Variants in DNAH5 observed in about 807,000 individuals in gnomAD.
DNAH5 encodes axonemal beta dynein heavy chain 5.
A neutral mutation model predicts 518.2 loss-of-function variants in DNAH5; 372 were observed. The observed-to-expected ratio is 0.72, with a 90% CI of 0.66 to 0.78. The LOEUF is 0.78. Ranked by LOEUF, DNAH5 falls within the 30% of genes least tolerant of loss-of-function variation. The pLI, the probability that DNAH5 is intolerant of heterozygous loss-of-function variation, is 0.00. For missense variants in DNAH5, 5,523 were observed against 5,687.0 expected, an observed-to-expected ratio of 0.97 and a Z score of 0.93; for synonymous variants, 2,039 against 2,025.9, an observed-to-expected ratio of 1.01 and a Z score of -0.17.
intron 4 of DNAH5, among the ~76,000 whole-genome samples, chr5:13,922,739 A>T (rs1249870193): frequency 1.3e-5 from 2 of 151,906 alleles, no homozygotes; most frequent in Admixed American, 6.6e-5. Context: ...AAAAAAAAAA[A>T]AAAAAAAAAT....
chr5:13,770,107 G>A (rs1753128993), intron 56 of DNAH5, among the ~76,000 whole-genome samples: 1 of 152,192 alleles, frequency 6.6e-6, no homozygotes, highest in South Asian at 2.1e-4. Flanking sequence ...CGTGACCATA[G>A]AGATGGGAAC....
chr5:13,925,558 G>A (rs908436880), intron 3 of DNAH5, among the ~76,000 whole-genome samples: 29 of 152,164 alleles, frequency 1.9e-4, no homozygotes, highest in Admixed American at 1.3e-3. Context: ...AGCAAGTCAC[G>A]TCTTACATGA....
chr5:13,962,896 T>C (rs189277), intron 1 of DNAH5, among the ~76,000 whole-genome samples: 1 of 152,018 alleles, frequency 6.6e-6, no homozygotes, highest in Non-Finnish European at 1.5e-5. Flanking sequence ...AAAGACAAAC[T>C]GTCCCGGCAG....
chr5:13,722,422 C>T (rs1745176094), intron 70 of DNAH5, among the ~76,000 whole-genome samples: 1 of 152,196 alleles, frequency 6.6e-6, no homozygotes. Flanking sequence ...TTGTGTTTGC[C>T]CTCTTTTGTG....
Position 13,766,033 on chromosome 5 carries a change from G to A in DNAH5, c.10044C>T (p.Pro3348=), listed in dbSNP as rs369902800. 4.0e-5 allele frequency: 64 copies of A among 1,614,190 alleles called. 1 individual carries two copies. In the South Asian group the frequency reaches 6.5e-4, roughly 16 times the overall value. The change falls in exon 59 of 79, where the codon CCC becomes CCT. Residue 3348 remains proline (P), a synonymous_variant. Transcript: ENST00000265104. The stretch of plus-strand genomic sequence containing the variant: ...TCAATTTTAAGGATTCCTGCCAGGA[G>A]GGCATGGTACAGCTTTTTTCCAGGT... ...KIDLEKSCTM[P]SWQESLKLMT... is the part of the protein sequence containing the mutation.
At chr5:13,878,747 G>C (rs1020488688) in intron 21 of DNAH5, among the ~76,000 whole-genome samples, 81 of 152,178 alleles carry the variant, frequency 5.3e-4, no homozygotes, top group African/African-American at 1.9e-3. Flanking sequence ...GATGTACAAT[G>C]GGCCAACTTC....
chr5:13,984,574 G>A (rs1015742184), intron 1 of DNAH5, among the ~76,000 whole-genome samples: 4 of 152,284 alleles, frequency 2.6e-5, no homozygotes, highest in Non-Finnish European at 2.9e-5. Context: ...TGTTGTATAG[G>A]AGTGGTGAGA....
At chr5:13,694,370 A>G (rs571267028) in intron 78 of DNAH5, among the ~76,000 whole-genome samples, 1 of 152,348 alleles carries the variant, frequency 6.6e-6, no homozygotes, top group South Asian at 2.1e-4. Flanking sequence ...ATAATTTCAT[A>G]GTGAAAACGT....
rs759178806 is a variant in DNAH5, at chr5:13,823,221, T to C, written c.6687+42A>G. The C allele has an allele frequency of 7.7e-6, 10 of 1,302,060 alleles. No homozygotes were observed. The East Asian group carries it at 2.1e-4, about 27-fold the overall frequency. The allele number at this position is 1,302,060 out of a possible 1,614,324, so 80.7% of individuals were successfully genotyped here. A position where few individuals can be genotyped will look rare whatever the true frequency, so the allele number is the denominator to read the frequency against. On this transcript the variant is annotated intron_variant, in intron 40 of 78. Coordinates refer to ENST00000265104, the MANE Select transcript of DNAH5 (RefSeq NM_001369.3). ...CCACTTTATTCCCATTAAATTCAGA[T>C]GAAACAGACACCAGCCCTCGTTGCC...
intron 1 of DNAH5, among the ~76,000 whole-genome samples, chr5:13,933,392 G>A (rs758736837): frequency 6.6e-6 from 1 of 152,162 alleles, no homozygotes; most frequent in African/African-American, 2.4e-5. Context: ...GTGCAGATAT[G>A]ATTTTCTAAC....
chr5:14,010,905 A>G (rs981227326), intron 1 of DNAH5, among the ~76,000 whole-genome samples: 1 of 152,050 alleles, frequency 6.6e-6, no homozygotes, highest in Non-Finnish European at 1.5e-5. Flanking sequence ...ACTATAGTGT[A>G]CCTGATGAAA....
intron 23 of DNAH5, 33 bp from the exon 24 acceptor site, chr5:13,871,035 T>C: frequency 6.5e-7 from 1 of 1,544,516 alleles, no homozygotes; most frequent in Non-Finnish European, 8.9e-7. Flanking sequence ...AGTTCAGTTT[T>C]AAAAACTCGA....
chr5:13,897,235 A>T (rs1296243459), intron 15 of DNAH5, among the ~76,000 whole-genome samples: 1 of 152,142 alleles, frequency 6.6e-6, no homozygotes, highest in East Asian at 1.9e-4. Context: ...GAAAAGTCTA[A>T]ATTTTCTGGT....
intron 2 of DNAH5, among the ~76,000 whole-genome samples, chr5:13,930,558 G>C (rs959155448): frequency 1.3e-5 from 2 of 152,112 alleles, no homozygotes; most frequent in South Asian, 4.2e-4. Context: ...TTTTCTCACT[G>C]CCCAGGAAAT....
In DNAH5 at chr5:13,829,683, G is replaced by C. The variant is rs112967768; in HGVS notation, c.6271C>G (p.Gln2091Glu). The change falls in exon 38 of 79, where the codon CAG becomes GAG. Residue 2091 changes from glutamine to glutamate, a missense_variant. By Grantham distance (29) the Gln-to-Glu change is conservative (BLOSUM62 2). Around this residue, in one of 3 missense-constraint regions of DNAH5, gnomAD observed 5,121 missense variants for 5,223.3 expected, o/e 0.98. Coordinates refer to ENST00000265104, the MANE Select transcript of DNAH5 (RefSeq NM_001369.3). Reference protein sequence around the residue: ...LTMNPGYAGRQELPENLKINF... With the variant: ...LTMNPGYAGREELPENLKINF... ...ATCTTCAAGTTTTCAGGGAGTTCCT[G>C]CCGTCCGGCATAGCCAGGATTCTAA... 2 of 1,614,010 alleles carry C rather than the reference G, an allele frequency of 1.2e-6. No individual in the cohort carries two copies. Among genetic ancestry groups the C allele is most frequent in the Non-Finnish European group, 1.7e-6 (2 of 1,180,012 alleles).
intron 22 of DNAH5, among the ~76,000 whole-genome samples, 181 bp from the exon 23 acceptor site, chr5:13,871,946 G>A (rs1056827506): frequency 1.3e-5 from 2 of 152,176 alleles, no homozygotes; most frequent in African/African-American, 4.8e-5. Context: ...CAGTAGCCCA[G>A]GGCTAGTAAC....
At chr5:13,947,338 C>T (rs538243968), upstream of DNAH5, among the ~76,000 whole-genome samples, 1 of 152,236 alleles carries the variant, frequency 6.6e-6, no homozygotes, top group South Asian at 2.1e-4. Flanking sequence ...TTCCATATGG[C>T]TTAATAGAAA....
chr5:13,843,069 T>C (rs1765501913), intron 32 of DNAH5, among the ~76,000 whole-genome samples: 1 of 152,200 alleles, frequency 6.6e-6, no homozygotes, highest in Non-Finnish European at 1.5e-5. Context: ...AATTTTCTGA[T>C]GAATTTAGTC....
chr5:13,714,418 T>G lies in DNAH5; in HGVS notation c.13112A>C (p.Tyr4371Ser). ...TCATCAACTCACTTCAAAGGGGACA[T>G]AGTCTGGGGGCAGCTTCTCCAGCAT... is the stretch of plus-strand genomic sequence containing the variant. ...DDMLEKLPPD[Y>S]VPFEVKERLQ... The change falls in exon 75 of 79, where the codon TAT becomes TCT. Residue 4371 changes from tyrosine to serine, a missense_variant. Tyr to Ser is a moderately radical substitution (Grantham distance 144). Transcript: ENST00000265104. 6.2e-7 allele frequency: 1 copy of G among 1,614,144 alleles called. No individual in the cohort carries two copies. Among genetic ancestry groups the G allele is most frequent in the East Asian group, 2.2e-5 (1 of 44,878 alleles).
Sources: gnomAD v4.1 joint callset for allele counts (sites outside exome capture counted in the v4.1 genomes callset) on GRCh38, gnomAD v4.1.1 for gene constraint, gnomAD v4.1.1 regional missense constraint, MANE v1.5 for transcripts, NCBI Gene and HGNC (gene_info 2026-07-23, HGNC 2026-07-21) for gene names.